RPL37: variants seen among roughly 807,000 people sequenced by gnomAD.
RPL37 encodes ribosomal protein L37.
In RPL37, 1 loss-of-function variant was observed where a neutral mutation model predicts 14.8. The observed-to-expected ratio is 0.07, with a 90% CI of 0.02 to 0.32. RPL37 has a LOEUF of 0.32. Ranked by LOEUF, RPL37 falls within the 10% of genes least tolerant of loss-of-function variation. The pLI is 1.00. For synonymous variants in RPL37, 53 were observed against 45.8 expected (o/e 1.16, Z -0.63); for missense variants, 100 against 128.3 (o/e 0.78, Z 1.06).
rs1287099153 is a variant in RPL37, at chr5:40,827,768, C to T, written c.*4736G>A. The T allele has an allele frequency of 6.6e-6, 1 of 151,786 alleles. No homozygotes were observed. The highest frequency in any genetic ancestry group is 1.5e-5 in the Non-Finnish European group (1 of 67,974). The allele number at this position is 151,786 out of a possible 1,614,324, so 9.4% of individuals were successfully genotyped here. On this transcript the variant is annotated 3_prime_UTR_variant, in exon 4 of 4. Transcript: ENST00000274242. ...TTGAGATGGAGTCTCGCTCTGCCGC[C>T]CGCCGTTCTCTCAGCTCACTGCAAC...
chr5:40,833,936 A>C, intron 3 of RPL37: 1 of 490,410 alleles, frequency 2.0e-6, no homozygotes, highest in Non-Finnish European at 3.7e-6. Context: ...AGTCCCGGGT[A>C]CTCGGGCGGC....
At position 40,827,656 on chromosome 5, in the gene RPL37, T is replaced by C. The variant is rs1193706852; in HGVS notation, c.*4848A>G. On this transcript the variant is annotated 3_prime_UTR_variant, in exon 4 of 4. Transcript: ENST00000274242. ...TACATACTCGTGTACATGAGAACCATTTTTCCATTGCAACTTTTCTTGTCA... is the reference window on the plus strand; with the variant it reads ...TACATACTCGTGTACATGAGAACCACTTTTCCATTGCAACTTTTCTTGTCA... 3.3e-5 allele frequency: 5 copies of C among 152,076 alleles called. No individual in the cohort carries two copies. Among genetic ancestry groups the C allele is most frequent in the Non-Finnish European group, 2.9e-5 (2 of 68,022 alleles). The allele number at this position is 152,076 out of a possible 1,614,324, so 9.4% of individuals were successfully genotyped here.
intron 3 of RPL37, among the ~76,000 whole-genome samples, chr5:40,833,485 G>T (rs185969507): frequency 6.6e-6 from 1 of 152,128 alleles, no homozygotes; most frequent in Admixed American, 6.6e-5. Flanking sequence ...CTAAGTCTAC[G>T]GCGGAGCTGA....
chr5:40,826,372 C>T lies in RPL37; in HGVS notation c.*6132G>A, dbSNP rs1192072527. On this transcript the variant is annotated 3_prime_UTR_variant, in exon 4 of 4. Transcript: ENST00000274242. Reference sequence around the variant, plus strand: ...ATTTATTATTTTATTTTTTATATCCCAGCCCTCCCATGTAAGACTGGTCAT... The same window carrying T: ...ATTTATTATTTTATTTTTTATATCCTAGCCCTCCCATGTAAGACTGGTCAT... The T allele has an allele frequency of 6.6e-6, 1 of 152,000 alleles. No homozygotes were observed. Among genetic ancestry groups the T allele is most frequent in the African/African-American group, 2.4e-5 (1 of 41,376 alleles). The allele number at this position is 152,000 out of a possible 1,614,324, so 9.4% of individuals were successfully genotyped here.
chr5:40,827,773 G>C lies in RPL37; in HGVS notation c.*4731C>G, dbSNP rs545653205. 3.3e-4 allele frequency: 49 copies of C among 149,528 alleles called. 1 individual carries two copies. The highest frequency in any genetic ancestry group is 1.2e-3 in the African/African-American group (49 of 40,530). 9.3% of individuals were successfully genotyped at this position (149,528 alleles called of 1,614,324 possible). The stretch of plus-strand genomic sequence containing the variant: ...ATGGAGTCTCGCTCTGCCGCCCGCC[G>C]TTCTCTCAGCTCACTGCAACCTCTG... On this transcript the variant is annotated 3_prime_UTR_variant, in exon 4 of 4. Transcript: ENST00000274242.
At position 40,831,225 on chromosome 5, in the gene RPL37, G is replaced by A. The variant is rs187253233; in HGVS notation, c.*1279C>T. On this transcript the variant is annotated 3_prime_UTR_variant, in exon 4 of 4. Coordinates refer to ENST00000274242, the MANE Select transcript of RPL37 (RefSeq NM_000997.5). Reference sequence around the variant, plus strand: ...ACTTGACTTGAGCCCAGGAATTAGAGGCTGCAGTGAGCCAGGATTGCGCCA... The same window carrying A: ...ACTTGACTTGAGCCCAGGAATTAGAAGCTGCAGTGAGCCAGGATTGCGCCA... 1.6e-4 allele frequency: 24 copies of A among 152,466 alleles called. No individual in the cohort carries two copies. The highest frequency in any genetic ancestry group is 1.5e-3 in the Admixed American group (23 of 15,296). The allele number at this position is 152,466 out of a possible 1,614,324, so 9.4% of individuals were successfully genotyped here. A position where few individuals can be genotyped will look rare whatever the true frequency, so the allele number is the denominator to read the frequency against.
At position 40,832,014 on chromosome 5, in the gene RPL37, G is replaced by A. The variant is rs1745650484; in HGVS notation, c.*490C>T. The stretch of plus-strand genomic sequence containing the variant: ...TGCCAAGTGAGCATTACAGATACTA[G>A]GATAAGATCATCTTTTGAAAAACAG... On this transcript the variant is annotated 3_prime_UTR_variant, in exon 4 of 4. Transcript: ENST00000274242. 1 of 166,686 alleles carries A rather than the reference G, an allele frequency of 6.0e-6. No individual in the cohort carries two copies. Among genetic ancestry groups the A allele is most frequent in the Non-Finnish European group, 1.3e-5 (1 of 74,828 alleles). The allele number at this position is 166,686 out of a possible 1,614,324, so 10.3% of individuals were successfully genotyped here. A position where few individuals can be genotyped will look rare whatever the true frequency, so the allele number is the denominator to read the frequency against.
intron 1 of RPL37, among the ~76,000 whole-genome samples, chr5:40,834,838 C>T (rs1370482209): frequency 3.3e-5 from 5 of 152,200 alleles, no homozygotes; most frequent in African/African-American, 9.7e-5. Flanking sequence ...TTACAGACTC[C>T]GGCCAGAGAG....
Position 40,834,620 on chromosome 5 carries a change from G to A in RPL37, c.4-14C>T. 1.9e-6 allele frequency: 3 copies of A among 1,595,056 alleles called. No homozygotes were observed. Among genetic ancestry groups the A allele is most frequent in the Middle Eastern group, 1.7e-4 (1 of 5,948 alleles). ...CGTTCCCTTCGTCTGCACATTAAAG[G>A]AATAAATAGTTCTGAAACCTGGCAA... On this transcript the variant is annotated splice_polypyrimidine_tract_variant and intron_variant, in intron 1 of 3. Transcript: ENST00000274242.
At chr5:40,834,137 T>G in intron 3 of RPL37, 44 bp downstream of exon 3, 2 of 1,352,862 alleles carry the variant, frequency 1.5e-6, no homozygotes, top group Non-Finnish European at 1.1e-6. Context: ...GAGGGTTTCA[T>G]TCAAGCCCAC....
chr5:40,833,691 T>G (rs2112157706), intron 3 of RPL37, among the ~76,000 whole-genome samples: 1 of 151,100 alleles, frequency 6.6e-6, no homozygotes, highest in East Asian at 1.9e-4. Context: ...ATATCAACAC[T>G]TTGGGACCCT....
In RPL37 at chr5:40,832,173, C is replaced by T. The variant is rs1028035180; in HGVS notation, c.*331G>A. 4 of 280,666 alleles carry T rather than the reference C, an allele frequency of 1.4e-5. No homozygotes were observed. The highest frequency in any genetic ancestry group is 2.1e-5 in the African/African-American group (1 of 46,746). The allele number at this position is 280,666 out of a possible 1,614,324, so 17.4% of individuals were successfully genotyped here. On this transcript the variant is annotated 3_prime_UTR_variant, in exon 4 of 4. Transcript: ENST00000274242. ...AGGTAATTTAAACATCATACTCTTT[C>T]AAATTTACTCAAACATCTAAAATAC...
At chr5:40,832,851 T>C in intron 3 of RPL37, 1 of 450,066 alleles carries the variant, frequency 2.2e-6, no homozygotes, top group South Asian at 2.1e-5. Context: ...TGTTTGTTCA[T>C]ATTTGGCAAG....
chr5:40,831,250 A>G lies in RPL37; in HGVS notation c.*1254T>C, dbSNP rs1745634930. On this transcript the variant is annotated 3_prime_UTR_variant, in exon 4 of 4. Transcript: ENST00000274242. ...GGCTGCAGTGAGCCAGGATTGCGCC[A>G]TTGCACTATCTGTAAACAAGAAAGG... 1 of 152,338 alleles carries G rather than the reference A, an allele frequency of 6.6e-6. No homozygotes were observed. Among genetic ancestry groups the G allele is most frequent in the Non-Finnish European group, 1.5e-5 (1 of 68,046 alleles). The allele number at this position is 152,338 out of a possible 1,614,324, so 9.4% of individuals were successfully genotyped here. A position where few individuals can be genotyped will look rare whatever the true frequency, so the allele number is the denominator to read the frequency against.
rs553753627 is a variant in RPL37, at chr5:40,828,262, G to A, written c.*4242C>T. 9 of 152,260 alleles carry A rather than the reference G, an allele frequency of 5.9e-5. No homozygotes were observed. Among genetic ancestry groups the A allele is most frequent in the South Asian group, 2.1e-4 (1 of 4,818 alleles). The allele number at this position is 152,260 out of a possible 1,614,324, so 9.4% of individuals were successfully genotyped here. A position where few individuals can be genotyped will look rare whatever the true frequency, so the allele number is the denominator to read the frequency against. On this transcript the variant is annotated 3_prime_UTR_variant, in exon 4 of 4. Transcript: ENST00000274242. ...TCCATCCCCACTGTCTATTACGCTC[G>A]TGGTATCCTTGTCTTACACACTTAT...
rs1193924274 is a variant in RPL37, at chr5:40,825,402, ACT to A, written c.*7100_*7101del. On this transcript the variant is annotated 3_prime_UTR_variant, in exon 4 of 4. Transcript: ENST00000274242. ...TTGCAAAACAAATGGAGATATATCA[ACT>A]CTCATACAATTCTAAAAGCATTGTG... is the stretch of plus-strand genomic sequence containing the variant. 6.6e-6 allele frequency: 1 copy of A among 152,162 alleles called. No homozygotes were observed. Among genetic ancestry groups the A allele is most frequent in the Non-Finnish European group, 1.5e-5 (1 of 68,038 alleles). The allele number at this position is 152,162 out of a possible 1,614,324, so 9.4% of individuals were successfully genotyped here. A position where few individuals can be genotyped will look rare whatever the true frequency, so the allele number is the denominator to read the frequency against.
In RPL37 at chr5:40,825,689, A is replaced by C. The variant is rs1470255663; in HGVS notation, c.*6815T>G. On this transcript the variant is annotated 3_prime_UTR_variant, in exon 4 of 4. Coordinates refer to ENST00000274242, the MANE Select transcript of RPL37 (RefSeq NM_000997.5). Reference sequence around the variant, plus strand: ...CTTTGGTGATTCTGTTCCATTTGCCACCTGGCCTCTTCCTCCTCAGTCACT... The same window carrying C: ...CTTTGGTGATTCTGTTCCATTTGCCCCCTGGCCTCTTCCTCCTCAGTCACT... 1.3e-5 allele frequency: 2 copies of C among 152,390 alleles called. No homozygotes were observed. The highest frequency in any genetic ancestry group is 4.8e-5 in the African/African-American group (2 of 41,414). The allele number at this position is 152,390 out of a possible 1,614,324, so 9.4% of individuals were successfully genotyped here.
rs1405822300 is a variant in RPL37 at position 40,831,005 on chromosome 5, G to T, written c.*1499C>A. On this transcript the variant is annotated 3_prime_UTR_variant, in exon 4 of 4. Transcript: ENST00000274242. ...CTCACGCCTGTAATCCTAGCACTTT[G>T]GGAGGCCGAGGCGGCGGATCACGAG... The T allele has an allele frequency of 6.6e-6, 1 of 151,984 alleles. No homozygotes were observed. Among genetic ancestry groups the T allele is most frequent in the Non-Finnish European group, 1.5e-5 (1 of 68,026 alleles). The allele number at this position is 151,984 out of a possible 1,614,324, so 9.4% of individuals were successfully genotyped here.
At position 40,832,515 on chromosome 5, in the gene RPL37, T is replaced by C. The variant is rs1480875327; in HGVS notation, c.283A>G (p.Ser95Gly). Reference sequence around the variant, plus strand: ...AATCGTTGACATTCTTAAGATGAACTGGATGCTGCAACAGCTGCCCTCTTG... The same window carrying C: ...AATCGTTGACATTCTTAAGATGAACCGGATGCTGCAACAGCTGCCCTCTTG... ...KPKRAAVAASSSS is the reference protein window; with the variant it reads ...KPKRAAVAASGSS Residue 95 changes from serine (S) to glycine (G), a missense_variant, in exon 4 of 4, where the codon AGT becomes GGT. Coordinates refer to ENST00000274242, the MANE Select transcript of RPL37 (RefSeq NM_000997.5). The C allele has an allele frequency of 6.2e-7, 1 of 1,613,376 alleles. No individual in the cohort carries two copies.
Sources: gnomAD v4.1 joint callset for allele counts (sites outside exome capture counted in the v4.1 genomes callset) on GRCh38, gnomAD v4.1.1 for gene constraint, MANE v1.5 for transcripts, NCBI Gene and HGNC (gene_info 2026-07-23, HGNC 2026-07-21) for gene names.